The following SULT1A2 variants were observed in gnomAD, a reference collection of about 807,000 sequenced individuals.
The protein encoded by SULT1A2 is sulfotransferase family 1A member 2, also known as sulfotransferase 1A2.
Under a neutral mutation model 36.0 loss-of-function variants are expected in SULT1A2, and 33 were observed. That is an observed-to-expected ratio of 0.92 (90% CI 0.69 to 1.22). SULT1A2 has a LOEUF of 1.22. Ranked by LOEUF, SULT1A2 falls within the 50% of genes most tolerant of loss-of-function variation. The pLI is 0.00. For missense variants in SULT1A2, 367 were observed against 383.2 expected, an observed-to-expected ratio of 0.96 and a Z score of 0.35; for synonymous variants, 138 against 144.5, an observed-to-expected ratio of 0.96 and a Z score of 0.32.
At chr16:28,593,689 A>C in intron 4 of SULT1A2, 121 bp from the exon 5 acceptor site, 444 of 1,529,718 alleles carry the variant, frequency 2.9e-4, no homozygotes, top group Non-Finnish European at 3.6e-4. Flanking sequence ...TTGAGATCTC[A>C]CGGCACAGGT....
At position 28,595,571 on chromosome 16, in the gene SULT1A2, T is replaced by G; in HGVS notation, c.253A>C (p.Lys85Gln). 1.9e-6 allele frequency: 3 copies of G among 1,614,160 alleles called. No individual in the cohort carries two copies. Among genetic ancestry groups the G allele is most frequent in the Non-Finnish European group, 2.5e-6 (3 of 1,180,026 alleles). Residue 85 changes from lysine (K) to glutamine (Q), a missense_variant, in exon 3 of 8, where the codon AAA becomes CAA. By Grantham distance (53) the Lys-to-Gln change is moderately conservative. Transcript: ENST00000335715. ...ACACCTGAGGGAATCCCTGGGACTT[T>G]GAACTCAAGGAAGGGCACCCGCATG... Reference protein sequence around the residue: ...IFMRVPFLEFKVPGIPSGMET... With the variant: ...IFMRVPFLEFQVPGIPSGMET...
At chr16:28,595,305 T>G in intron 4 of SULT1A2, 62 bp downstream of exon 4, 3 of 1,597,110 alleles carry the variant, frequency 1.9e-6, no homozygotes, top group Non-Finnish European at 2.6e-6. Context: ...TCAAGGGATC[T>G]TCCCACCTCA....
chr16:28,593,676 T>A (rs2047025839), intron 4 of SULT1A2, 108 bp from the exon 5 acceptor site: 1 of 1,561,882 alleles, frequency 6.4e-7, no homozygotes, highest in Non-Finnish European at 8.7e-7. Flanking sequence ...GAGGCTGACT[T>A]GTTTGAGATC....
chr16:28,593,356 CG>C lies in SULT1A2; in HGVS notation c.500-11del. On this transcript the variant is annotated splice_polypyrimidine_tract_variant and intron_variant, in intron 5 of 7. Coordinates refer to ENST00000335715, the MANE Select transcript of SULT1A2 (RefSeq NM_001054.4). Reference sequence around the variant, plus strand: ...CAGGACCCATAGGACACTGGAGAAGCGGGCAGGGAGTGCCGACACAGGGTTG... The same window carrying C: ...CAGGACCCATAGGACACTGGAGAAGCGGCAGGGAGTGCCGACACAGGGTTG... The C allele has an allele frequency of 6.2e-7, 1 of 1,614,170 alleles. No individual in the cohort carries two copies. Among genetic ancestry groups the C allele is most frequent in the Non-Finnish European group, 8.5e-7 (1 of 1,180,018 alleles).
intron 4 of SULT1A2, among the ~76,000 whole-genome samples, chr16:28,595,025 C>T (rs534787567): frequency 6.8e-4 from 104 of 152,052 alleles, no homozygotes; most frequent in African/African-American, 2.4e-3. Context: ...TCAGGTGATC[C>T]ACCTGCCTCA....
At chr16:28,592,194 G>A (rs765764578) in intron 7 of SULT1A2, 54 bp from the exon 8 acceptor site, 257 of 1,613,378 alleles carry the variant, frequency 1.6e-4, no homozygotes, top group Admixed American at 1.2e-3. Context: ...GGGAGGCCCC[G>A]AGTGCCTATG....
intron 4 of SULT1A2, among the ~76,000 whole-genome samples, 182 bp downstream of exon 4, chr16:28,595,185 C>G (rs940047811): frequency 6.6e-6 from 1 of 152,046 alleles, no homozygotes; most frequent in African/African-American, 2.4e-5. Context: ...AACTCCTAGG[C>G]TCAGATGATC....
chr16:28,593,113 TG>T, intron 6 of SULT1A2, 138 bp downstream of exon 6: 1 of 1,306,720 alleles, frequency 7.7e-7, no homozygotes, highest in Non-Finnish European at 1.1e-6. Context: ...CAGTGGGGCC[TG>T]GGCCAGGGAG....
intron 6 of SULT1A2, 124 bp downstream of exon 6, chr16:28,593,128 A>G (rs193654): frequency 1 from 1,408,414 of 1,412,956 alleles, 702,064 homozygotes; most frequent in East Asian, 1. Context: ...CAGGGAGTCA[A>G]GATGGGGAAT....
rs995826819 is a variant in SULT1A2 at position 28,595,612 on chromosome 16, T to C, written c.212A>G (p.His71Arg). ...CACCCGCATGAAGATGGGAGCTCGG[T>C]GACACTTTTCCAGGTCACCGCCCTG... ...IYQGGDLEKC[H>R]RAPIFMRVPF... The change falls in exon 3 of 8, where the codon CAC (histidine) becomes CGC (arginine). Residue 71 changes from histidine (H) to arginine (R), a missense_variant. Transcript: ENST00000335715. 3 of 1,614,150 alleles carry C rather than the reference T, an allele frequency of 1.9e-6. No individual in the cohort carries two copies. The highest frequency in any genetic ancestry group is 2.5e-6 in the Non-Finnish European group (3 of 1,180,020).
At chr16:28,596,831 GA>G (rs797021797) in intron 1 of SULT1A2, 165 bp downstream of exon 1, 32,245 of 331,318 alleles carry the variant, frequency 0.097, 33 homozygotes, top group South Asian at 0.16. Flanking sequence ...GGCCTCCCCG[GA>G]AAAAAAAAAA....
rs1159774598 is a variant in SULT1A2 at position 28,594,538 on chromosome 16, C to T, written c.372+829G>A. ...CACAATCTCGGCTCACTGCAACCAC[C>T]GCCTCCCAGGTGCAAGCTATTCTCC... is the stretch of plus-strand genomic sequence containing the variant. On this transcript the variant is annotated intron_variant, in intron 4 of 7. Coordinates refer to ENST00000335715, the MANE Select transcript of SULT1A2 (RefSeq NM_001054.4). Among the ~76,000 whole-genome samples, 4 of 152,064 alleles carry T rather than the reference C, an allele frequency of 2.6e-5. No homozygotes were observed. The East Asian group carries it at 5.8e-4, about 22-fold the overall frequency.
chr16:28,596,071 G>A, intron 1 of SULT1A2, 137 bp from the exon 2 acceptor site: 1 of 1,545,148 alleles, frequency 6.5e-7, no homozygotes, highest in South Asian at 1.3e-5. Context: ...GCCAGTCAGT[G>A]GCGGGGCTGG....
In SULT1A2 at chr16:28,595,639, T is replaced by C. The variant is rs4987024; in HGVS notation, c.185A>G (p.Tyr62Cys). The change falls in exon 3 of 8, where the codon TAC (tyrosine) becomes TGC (cysteine). Residue 62 changes from tyrosine to cysteine, a missense_variant. By Grantham distance (194) the Tyr-to-Cys change is radical (BLOSUM62 -2). Transcript: ENST00000335715. ...TWVSQILDMI[Y>C]QGGDLEKCHR... ...ACACTTTTCCAGGTCACCGCCCTGGTAGATCATGTCCAGAATCTGGCTCAC... is the reference window on the plus strand; with the variant it reads ...ACACTTTTCCAGGTCACCGCCCTGGCAGATCATGTCCAGAATCTGGCTCAC... 1.2e-6 allele frequency: 2 copies of C among 1,613,990 alleles called. No homozygotes were observed. The highest frequency in any genetic ancestry group is 2.7e-5 in the African/African-American group (2 of 74,894).
chr16:28,595,541 C>A lies in SULT1A2; in HGVS notation c.274+9G>T, dbSNP rs370652697. On this transcript the variant is annotated intron_variant, in intron 3 of 7. Coordinates refer to ENST00000335715, the MANE Select transcript of SULT1A2 (RefSeq NM_001054.4). ...TCCTCCACTCCCCTTGCACCCAGGA[C>A]ACACACACCTGAGGGAATCCCTGGG... 4 of 1,614,080 alleles carry A rather than the reference C, an allele frequency of 2.5e-6. No homozygotes were observed.
chr16:28,594,770 CTT>C (rs1033591115), intron 4 of SULT1A2, among the ~76,000 whole-genome samples: 37 of 53,842 alleles, frequency 6.9e-4, no homozygotes, highest in South Asian at 4.0e-3. Context: ...CCACCTGCCG[CTT>C]TTTTTTTTTT....
rs771545616 is a variant in SULT1A2 at position 28,593,486 on chromosome 16, G to C, written c.455C>G (p.Pro152Arg). ...CTCCAGGAAGCTTTCCCAGGTCCCAGGGTGAGGGTACACTTTGGCCATGTG... is the reference window on the plus strand; with the variant it reads ...CTCCAGGAAGCTTTCCCAGGTCCCACGGTGAGGGTACACTTTGGCCATGTG... ...FYHMAKVYPH[P>R]GTWESFLEKF... The change falls in exon 5 of 8, where the codon CCT becomes CGT. Residue 152 changes from proline to arginine, a missense_variant. Pro to Arg is a moderately radical substitution (Grantham distance 103). Coordinates refer to ENST00000335715, the MANE Select transcript of SULT1A2 (RefSeq NM_001054.4). 5 of 1,614,014 alleles carry C rather than the reference G, an allele frequency of 3.1e-6. No homozygotes were observed. In the Admixed American group the frequency reaches 8.3e-5, roughly 27 times the overall value.
chr16:28,593,601 T>G (rs1178870355), intron 4 of SULT1A2, 33 bp from the exon 5 acceptor site: 15 of 1,612,982 alleles, frequency 9.3e-6, no homozygotes, highest in Non-Finnish European at 1.3e-5. Flanking sequence ...CCCAGCACCA[T>G]CACCACACAG....
chr16:28,596,065 G>C (rs397784753), intron 1 of SULT1A2, 131 bp from the exon 2 acceptor site: 295 of 1,559,084 alleles, frequency 1.9e-4, no homozygotes, highest in East Asian at 1.5e-3. Flanking sequence ...CACAAGGCCA[G>C]TCAGTGGCGG....
Sources: allele counts gnomAD v4.1 joint callset (sites outside exome capture counted in the v4.1 genomes callset), GRCh38; gene constraint gnomAD v4.1.1; transcripts MANE v1.5; gene names NCBI Gene and HGNC (gene_info 2026-07-23, HGNC 2026-07-21).